SENP8: variants seen among roughly 807,000 people sequenced by gnomAD.
The protein encoded by SENP8 is sentrin-specific protease 8.
In SENP8, 10 loss-of-function variants were observed where a neutral mutation model predicts 14.4. That is an observed-to-expected ratio of 0.69 (90% CI 0.43 to 1.18). The LOEUF (loss-of-function observed/expected upper bound fraction) is 1.18, where lower values mean the gene tolerates loss of function less well. Among genes scored for constraint, SENP8 ranks in the 50% most tolerant of loss-of-function variants. The pLI is 0.00. For synonymous variants in SENP8, 94 were observed against 95.5 expected, an observed-to-expected ratio of 0.98 and a Z score of 0.09; for missense variants, 202 against 249.4, an observed-to-expected ratio of 0.81 and a Z score of 1.28.
intron 1 of SENP8, chr15:72,135,063 G>A (rs2081313387): frequency 3.3e-6 from 1 of 298,976 alleles, no homozygotes; most frequent in Non-Finnish European, 6.7e-6. Flanking sequence ...TTTTTTGTTT[G>A]TTTTTTGTTT....
Position 72,142,183 on chromosome 15 carries a change from CT to C in SENP8, c.*1922del, listed in dbSNP as rs1181272044. 2 of 151,936 alleles carry C rather than the reference CT, an allele frequency of 1.3e-5. No individual in the cohort carries two copies. The highest frequency in any genetic ancestry group is 2.9e-5 in the Non-Finnish European group (2 of 67,974). The allele number at this position is 151,936 out of a possible 1,614,324, so 9.4% of individuals were successfully genotyped here. A position where few individuals can be genotyped will look rare whatever the true frequency, so the allele number is the denominator to read the frequency against. ...ACACGTATAGACATGTATATGTAATCTATCTACATATATATAAAAAATGCAT... is the reference window on the plus strand; with the variant it reads ...ACACGTATAGACATGTATATGTAATCATCTACATATATATAAAAAATGCAT... On this transcript the variant is annotated 3_prime_UTR_variant, in exon 2 of 2. Transcript: ENST00000340912.
At chr15:72,132,938 A>T (rs2081289258) in intron 1 of SENP8, among the ~76,000 whole-genome samples, 1 of 152,214 alleles carries the variant, frequency 6.6e-6, no homozygotes, top group South Asian at 2.1e-4. Context: ...TGGGAGGGCA[A>T]GGCGGGCGGA....
chr15:72,118,011 C>G (rs2081066809), upstream of SENP8: 6 of 398,198 alleles, frequency 1.5e-5, no homozygotes, highest in East Asian at 2.1e-4. Context: ...CTCTCGCAGT[C>G]CGGGCTGTCC....
chr15:72,116,628 A>C (rs897231075), upstream of SENP8, among the ~76,000 whole-genome samples: 2 of 152,226 alleles, frequency 1.3e-5, no homozygotes, highest in African/African-American at 4.8e-5. Flanking sequence ...AAAACAGTGA[A>C]TCCAAAAAAA....
At chr15:72,117,777 G>A (rs1225713061), upstream of SENP8, 4 of 398,060 alleles carry the variant, frequency 1.0e-5, no homozygotes, top group Non-Finnish European at 1.8e-5. Flanking sequence ...TGGCAGAAGA[G>A]GCCGAGGCCA....
intron 1 of SENP8, among the ~76,000 whole-genome samples, chr15:72,126,591 C>T (rs571904382): frequency 5.3e-5 from 8 of 150,934 alleles, no homozygotes; most frequent in South Asian, 2.1e-4. Flanking sequence ...CGCCACTACA[C>T]TCCAGCCGGG....
chr15:72,133,591 T>C (rs1198786064), intron 1 of SENP8, among the ~76,000 whole-genome samples: 1 of 152,218 alleles, frequency 6.6e-6, no homozygotes, highest in Non-Finnish European at 1.5e-5. Context: ...TATTCTCTCT[T>C]GTGAATTCCC....
intron 1 of SENP8, among the ~76,000 whole-genome samples, chr15:72,131,809 C>G (rs1487655571): frequency 1.3e-5 from 2 of 152,190 alleles, no homozygotes; most frequent in African/African-American, 2.4e-5. Flanking sequence ...AGCACAAGAG[C>G]AGAGTCATGC....
intron 1 of SENP8, among the ~76,000 whole-genome samples, chr15:72,119,390 T>C (rs923711053): frequency 1.4e-4 from 22 of 152,234 alleles, no homozygotes; most frequent in Admixed American, 3.3e-4. Context: ...ACTCTAATGC[T>C]AAAGATTGAG....
chr15:72,115,781 T>A (rs939959728), upstream of SENP8, among the ~76,000 whole-genome samples: 4 of 152,242 alleles, frequency 2.6e-5, no homozygotes, highest in Non-Finnish European at 5.9e-5. Flanking sequence ...GTTACATCCT[T>A]TCTGTAGGTT....
At chr15:72,118,962 A>G (rs2081110202) in intron 1 of SENP8, among the ~76,000 whole-genome samples, 1 of 152,218 alleles carries the variant, frequency 6.6e-6, no homozygotes, top group Non-Finnish European at 1.5e-5. Flanking sequence ...ACCTGGTCAA[A>G]GAAATACGAA....
upstream of SENP8, among the ~76,000 whole-genome samples, chr15:72,117,364 G>A (rs2081027356): frequency 6.6e-6 from 1 of 152,188 alleles, no homozygotes; most frequent in African/African-American, 2.4e-5. Flanking sequence ...AGGATGTAAC[G>A]TAGTCTAGAA....
upstream of SENP8, chr15:72,118,058 G>T (rs1039524781): frequency 5.1e-6 from 2 of 395,966 alleles, no homozygotes; most frequent in Non-Finnish European, 8.9e-6. Context: ...CCGCCGCCGC[G>T]TCCCTTATCC....
At chr15:72,132,196 A>G (rs544036775) in intron 1 of SENP8, among the ~76,000 whole-genome samples, 16 of 152,316 alleles carry the variant, frequency 1.1e-4, no homozygotes, top group African/African-American at 3.4e-4. Flanking sequence ...AAATAGAACT[A>G]TAAGGAGGTC....
rs771064188 is a variant in SENP8, at chr15:72,127,583, TG to T, written c.-48+9120del. On this transcript the variant is annotated intron_variant, in intron 1 of 1. Coordinates refer to ENST00000340912, the MANE Select transcript of SENP8 (RefSeq NM_145204.4). ...GAAGCCACATTTTCATGTAGGGTTT[TG>T]TAAACTAGGGTAGGGAATTTTCATT... is the stretch of plus-strand genomic sequence containing the variant. Among the ~76,000 whole-genome samples the T allele has an allele frequency of 1.6e-4, 25 of 152,318 alleles. 1 individual carries two copies. The East Asian group carries it at 3.7e-3, about 22-fold the overall frequency.
chr15:72,139,404 CA>C (rs1172190152), intron 1 of SENP8, 172 bp from the exon 2 acceptor site: 5 of 540,068 alleles, frequency 9.3e-6, no homozygotes, highest in Admixed American at 3.6e-5. Context: ...CTTGCTGTCT[CA>C]GGGGTGGCAG....
At chr15:72,133,985 G>T (rs955231710) in intron 1 of SENP8, among the ~76,000 whole-genome samples, 1 of 152,076 alleles carries the variant, frequency 6.6e-6, no homozygotes. Flanking sequence ...GTCTCGCTCT[G>T]TCACCCAGGC....
At chr15:72,136,183 G>T (rs1464038799) in intron 1 of SENP8, among the ~76,000 whole-genome samples, 1 of 152,168 alleles carries the variant, frequency 6.6e-6, no homozygotes, top group Non-Finnish European at 1.5e-5. Context: ...ATACTGTGAG[G>T]CACTATTTGT....
chr15:72,136,089 G>A (rs2081325297), intron 1 of SENP8, among the ~76,000 whole-genome samples: 1 of 152,180 alleles, frequency 6.6e-6, no homozygotes, highest in Admixed American at 6.5e-5. Flanking sequence ...GCTTTTGTTT[G>A]ATTGATCTGT....
Sources: gnomAD v4.1 joint callset for allele counts (sites outside exome capture counted in the v4.1 genomes callset) on GRCh38, gnomAD v4.1.1 for gene constraint, MANE v1.5 for transcripts, NCBI Gene and HGNC (gene_info 2026-07-23, HGNC 2026-07-21) for gene names.